PSMA5: variants seen among roughly 807,000 people sequenced by gnomAD.
PSMA5 encodes proteasome subunit alpha type-5.
PSMA5 carries 3 observed loss-of-function variants against 34.5 expected under a neutral mutation model. The observed-to-expected ratio is 0.09, with a 90% confidence interval of 0.04 to 0.22. PSMA5 has a LOEUF of 0.22. Among genes scored for constraint, PSMA5 ranks in the 10% least tolerant of loss-of-function variants. The pLI is 1.00. For missense variants in PSMA5, 120 were observed against 286.1 expected, an observed-to-expected ratio of 0.42 and a Z score of 4.19; for synonymous variants, 88 against 95.8, an observed-to-expected ratio of 0.92 and a Z score of 0.47.
intron 8 of PSMA5, among the ~76,000 whole-genome samples, chr1:109,405,530 T>C (rs1653722311): frequency 7.3e-6 from 1 of 136,942 alleles, no homozygotes; most frequent in South Asian, 2.4e-4. Flanking sequence ...CTCCGCCTCC[T>C]GGGTTCAAGC....
At chr1:109,409,150 C>T (rs1557840171) in intron 8 of PSMA5, among the ~76,000 whole-genome samples, 1 of 152,082 alleles carries the variant, frequency 6.6e-6, no homozygotes, top group Non-Finnish European at 1.5e-5. Flanking sequence ...CATCATCTCC[C>T]TTTCATTCTT....
At chr1:109,411,809 C>CA in intron 6 of PSMA5, 68 bp downstream of exon 6, 1 of 1,462,634 alleles carries the variant, frequency 6.8e-7, no homozygotes, top group Non-Finnish European at 9.6e-7. Flanking sequence ...ATAATCTTCT[C>CA]AGTCTCCACC....
intron 1 of PSMA5, among the ~76,000 whole-genome samples, chr1:109,422,718 G>A (rs1002311224): frequency 6.6e-6 from 1 of 152,096 alleles, no homozygotes; most frequent in Non-Finnish European, 1.5e-5. Context: ...TGATCCACCC[G>A]CCTCGGCCTC....
intron 6 of PSMA5, among the ~76,000 whole-genome samples, chr1:109,411,588 A>ACT: frequency 6.6e-6 from 1 of 151,932 alleles, no homozygotes; most frequent in South Asian, 2.1e-4. Flanking sequence ...ACACACACAC[A>ACT]CTCTACAATA....
rs536254266 is a variant in PSMA5, at chr1:109,405,349, A to C, written c.649-3259T>G. Among the ~76,000 whole-genome samples, 5 of 152,322 alleles carry C rather than the reference A, an allele frequency of 3.3e-5. No homozygotes were observed. The South Asian group carries it at 1.0e-3, about 32-fold the overall frequency. Reference sequence around the variant, plus strand: ...GTAATTGCATGTAAAATGCTTAGCAAAGTCTCTAATAGATTAAACAAATGA... The same window carrying C: ...GTAATTGCATGTAAAATGCTTAGCACAGTCTCTAATAGATTAAACAAATGA... On this transcript the variant is annotated intron_variant, in intron 8 of 8. Coordinates refer to ENST00000271308, the MANE Select transcript of PSMA5 (RefSeq NM_002790.4).
intron 8 of PSMA5, among the ~76,000 whole-genome samples, chr1:109,408,729 C>A (rs989807504): frequency 6.6e-6 from 1 of 151,040 alleles, no homozygotes; most frequent in Non-Finnish European, 1.5e-5. Flanking sequence ...CTCGTTCTGT[C>A]GCCCAGGCTG....
intron 3 of PSMA5, 99 bp from the exon 4 acceptor site, chr1:109,413,234 C>A: frequency 1.8e-6 from 2 of 1,087,060 alleles, no homozygotes; most frequent in Non-Finnish European, 2.8e-6. Flanking sequence ...ACCACGGCAG[C>A]CATTCAGCTA....
intron 2 of PSMA5, among the ~76,000 whole-genome samples, chr1:109,418,501 A>G (rs938669748): frequency 6.6e-6 from 1 of 152,122 alleles, no homozygotes; most frequent in East Asian, 1.9e-4. Flanking sequence ...ATTTTTTGTG[A>G]AGACAAAGTC....
intron 2 of PSMA5, 24 bp from the exon 3 acceptor site, chr1:109,415,387 AC>A: frequency 1.9e-6 from 3 of 1,604,908 alleles, no homozygotes; most frequent in South Asian, 2.2e-5. Context: ...TGTTATGATT[AC>A]CATATATAGG....
intron 2 of PSMA5, among the ~76,000 whole-genome samples, chr1:109,421,648 A>G (rs1179349481): frequency 6.6e-6 from 1 of 152,216 alleles, no homozygotes; most frequent in Non-Finnish European, 1.5e-5. Context: ...AGCTATTTAG[A>G]TAATTATGAA....
chr1:109,418,974 G>T (rs888805300), intron 2 of PSMA5, among the ~76,000 whole-genome samples: 3 of 152,094 alleles, frequency 2.0e-5, no homozygotes, highest in East Asian at 3.9e-4. Context: ...GACCAACATG[G>T]ACAAACCCCG....
chr1:109,405,210 C>T (rs1049809467), intron 8 of PSMA5, among the ~76,000 whole-genome samples: 48 of 152,320 alleles, frequency 3.2e-4, no homozygotes, highest in African/African-American at 1.1e-3. Flanking sequence ...CAAATCCTGA[C>T]TCTACCATTT....
chr1:109,425,269 G>A (rs924792220), intron 1 of PSMA5: 1 of 152,086 alleles, frequency 6.6e-6, no homozygotes, highest in Non-Finnish European at 1.5e-5. Flanking sequence ...TTAAGTAAAT[G>A]GCCACAAAAT....
intron 2 of PSMA5, among the ~76,000 whole-genome samples, chr1:109,420,529 C>T (rs1165086834): frequency 6.6e-6 from 1 of 152,200 alleles, no homozygotes; most frequent in African/African-American, 2.4e-5. Context: ...TATAGAACTA[C>T]TTTGCCTTCT....
At chr1:109,404,682 T>C (rs959883167) in intron 8 of PSMA5, among the ~76,000 whole-genome samples, 1 of 152,256 alleles carries the variant, frequency 6.6e-6, no homozygotes, top group Non-Finnish European at 1.5e-5. Context: ...TACTTTTCTA[T>C]TTATTATCTC....
chr1:109,419,826 A>C (rs1005202800), intron 2 of PSMA5, among the ~76,000 whole-genome samples: 1 of 147,218 alleles, frequency 6.8e-6, no homozygotes, highest in African/African-American at 2.5e-5. Context: ...AAAAAAAAAC[A>C]AGCCGCGCAT....
intron 1 of PSMA5, chr1:109,426,097 G>A (rs1271355991): frequency 2.0e-5 from 13 of 646,414 alleles, no homozygotes; most frequent in Non-Finnish European, 3.0e-5. Context: ...AGGACCCAGG[G>A]GTGACTCAGC....
At chr1:109,408,957 C>T (rs539628865) in intron 8 of PSMA5, among the ~76,000 whole-genome samples, 1 of 152,274 alleles carries the variant, frequency 6.6e-6, no homozygotes, top group African/African-American at 2.4e-5. Context: ...TCCCAAAGTG[C>T]TGGGATTACA....
chr1:109,402,371 G>A (rs1022112769), intron 8 of PSMA5, among the ~76,000 whole-genome samples: 1 of 152,150 alleles, frequency 6.6e-6, no homozygotes, highest in African/African-American at 2.4e-5. Context: ...CACTTCAACA[G>A]GGATCACAAA....
Sources: allele counts gnomAD v4.1 joint callset (sites outside exome capture counted in the v4.1 genomes callset), GRCh38; gene constraint gnomAD v4.1.1; transcripts MANE v1.5; gene names NCBI Gene and HGNC (gene_info 2026-07-23, HGNC 2026-07-21).